The following CDIN1 variants were observed in gnomAD, a reference collection of about 807,000 sequenced individuals.
CDIN1 encodes the protein CDAN1 interacting nuclease 1.
CDIN1 carries 33 observed loss-of-function variants against 45.3 expected under a neutral mutation model. The ratio of observed to expected loss-of-function variants is 0.73; its 90% CI spans 0.55 to 0.97. The LOEUF (loss-of-function observed/expected upper bound fraction) is 0.97. Among genes scored for constraint, CDIN1 ranks in the 50% least tolerant of loss-of-function variants. The probability of loss-of-function intolerance (pLI) is 0.00; values close to 1 mark genes in which losing one functional copy is unlikely to be tolerated. For missense variants in CDIN1, 303 were observed against 339.4 expected, an observed-to-expected ratio of 0.89 and a Z score of 0.84; for synonymous variants, 118 against 124.4, an observed-to-expected ratio of 0.95 and a Z score of 0.34.
chr15:36,796,957 C>CA (rs1356986013), intron 10 of CDIN1, among the ~76,000 whole-genome samples: 1 of 152,154 alleles, frequency 6.6e-6, no homozygotes, highest in African/African-American at 2.4e-5. Flanking sequence ...GAAGAAAAGG[C>CA]AGAGTATAAA....
intron 10 of CDIN1, among the ~76,000 whole-genome samples, chr15:36,766,698 A>G (rs2053934353): frequency 6.6e-6 from 1 of 152,014 alleles, no homozygotes; most frequent in Non-Finnish European, 1.5e-5. Context: ...TCTTATACCT[A>G]TTGGCCATTT....
intron 10 of CDIN1, among the ~76,000 whole-genome samples, chr15:36,731,828 C>T (rs920522115): frequency 2.0e-5 from 3 of 152,004 alleles, no homozygotes; most frequent in Non-Finnish European, 2.9e-5. Context: ...TATTTCTTTC[C>T]CAGGATTATT....
At chr15:36,803,502 T>C (rs1234200083) in intron 10 of CDIN1, among the ~76,000 whole-genome samples, 2 of 152,178 alleles carry the variant, frequency 1.3e-5, no homozygotes, top group Non-Finnish European at 2.9e-5. Context: ...TTTGTATGCA[T>C]TGGTTCAATT....
At chr15:36,696,043 G>A (rs2042412732) in intron 7 of CDIN1, among the ~76,000 whole-genome samples, 2 of 150,080 alleles carry the variant, frequency 1.3e-5, no homozygotes, top group South Asian at 4.2e-4. Context: ...GGATCTTGTT[G>A]TTATCTTATT....
intron 10 of CDIN1, among the ~76,000 whole-genome samples, chr15:36,750,444 C>G (rs1015379756): frequency 6.6e-6 from 1 of 152,118 alleles, no homozygotes; most frequent in Non-Finnish European, 1.5e-5. Flanking sequence ...AGTGACTTGT[C>G]CAATATTAAT....
At chr15:36,663,973 G>A (rs1046936421) in intron 5 of CDIN1, among the ~76,000 whole-genome samples, 1 of 152,118 alleles carries the variant, frequency 6.6e-6, no homozygotes, top group Non-Finnish European at 1.5e-5. Context: ...CAACTAATAA[G>A]CTATTGCATT....
intron 10 of CDIN1, among the ~76,000 whole-genome samples, chr15:36,722,978 TGTGTGTG>T (rs2043484795): frequency 5.2e-5 from 7 of 134,430 alleles, no homozygotes; most frequent in African/African-American, 8.9e-5. Context: ...TGTGTGTGTG[TGTGTGTG>T]TTTCTCTCTC....
intron 1 of CDIN1, among the ~76,000 whole-genome samples, chr15:36,620,123 G>A (rs2039103121): frequency 6.6e-6 from 1 of 152,052 alleles, no homozygotes; most frequent in Non-Finnish European, 1.5e-5. Context: ...AGGCCGAGGT[G>A]GGCGGATCAC....
intron 10 of CDIN1, among the ~76,000 whole-genome samples, chr15:36,783,577 G>T (rs929384654): frequency 6.6e-6 from 1 of 152,082 alleles, no homozygotes; most frequent in African/African-American, 2.4e-5. Context: ...GTTTCATGAT[G>T]AAACCAGAGC....
At chr15:36,720,399 G>A (rs1427816999) in intron 10 of CDIN1, among the ~76,000 whole-genome samples, 2 of 151,570 alleles carry the variant, frequency 1.3e-5, no homozygotes, top group Non-Finnish European at 2.9e-5. Context: ...TTTATATTAG[G>A]TATTTCTCCT....
At chr15:36,632,234 A>G (rs993688694) in intron 1 of CDIN1, among the ~76,000 whole-genome samples, 1 of 152,148 alleles carries the variant, frequency 6.6e-6, no homozygotes, top group Non-Finnish European at 1.5e-5. Context: ...CAATTTCTCT[A>G]CATCTTTGTA....
intron 10 of CDIN1, among the ~76,000 whole-genome samples, chr15:36,734,836 A>G (rs747237766): frequency 2.6e-5 from 4 of 152,158 alleles, no homozygotes; most frequent in Non-Finnish European, 5.9e-5. Flanking sequence ...TCACTGTTCA[A>G]TGTAAATAAA....
chr15:36,749,073 C>T (rs2053386462), intron 10 of CDIN1, among the ~76,000 whole-genome samples: 1 of 152,130 alleles, frequency 6.6e-6, no homozygotes, highest in African/African-American at 2.4e-5. Context: ...GTCATAAACA[C>T]TCACTCGTAT....
At chr15:36,644,829 A>G (rs1477908890) in intron 2 of CDIN1, among the ~76,000 whole-genome samples, 1 of 152,208 alleles carries the variant, frequency 6.6e-6, no homozygotes, top group Non-Finnish European at 1.5e-5. Flanking sequence ...AAAAATGGCA[A>G]TTGGATTGTA....
rs140172987 is a variant in CDIN1 at position 36,594,427 on chromosome 15, T to C, written c.101+14466T>C. 4.1e-3 allele frequency among the ~76,000 whole-genome samples: 630 copies of C among 152,316 alleles called. 3 individuals carry two copies. The highest frequency in any genetic ancestry group is 0.015 in the African/African-American group (608 of 41,558). The stretch of plus-strand genomic sequence containing the variant: ...AAGCATGGAAACAAGACTTGGTTAG[T>C]TGTATTTCCTCTGTTAGAGGTGTGT... On this transcript the variant is annotated intron_variant, in intron 1 of 10. Coordinates refer to ENST00000566621, the MANE Select transcript of CDIN1 (RefSeq NM_001321759.2).
At chr15:36,597,983 G>A (rs150909187) in intron 1 of CDIN1, among the ~76,000 whole-genome samples, 2 of 152,220 alleles carry the variant, frequency 1.3e-5, no homozygotes, top group Non-Finnish European at 2.9e-5. Context: ...ATAAATGGAC[G>A]TAAAACTTAT....
chr15:36,747,164 A>G, intron 10 of CDIN1: 1 of 393,310 alleles, frequency 2.5e-6, no homozygotes, highest in Non-Finnish European at 4.5e-6. Flanking sequence ...GTGTTTCCTC[A>G]TCTTAAACAA....
chr15:36,685,683 A>G (rs1469388086), intron 5 of CDIN1, among the ~76,000 whole-genome samples: 1 of 152,184 alleles, frequency 6.6e-6, no homozygotes, highest in Non-Finnish European at 1.5e-5. Context: ...TAATATCCAG[A>G]ATCTACAGTG....
At chr15:36,682,645 T>A (rs1308802985) in intron 5 of CDIN1, among the ~76,000 whole-genome samples, 1 of 149,106 alleles carries the variant, frequency 6.7e-6, no homozygotes, top group Admixed American at 6.7e-5. Flanking sequence ...TGGCATGCAC[T>A]TGTAGTCCCA....
Sources: allele counts gnomAD v4.1 joint callset (sites outside exome capture counted in the v4.1 genomes callset), GRCh38; gene constraint gnomAD v4.1.1; transcripts MANE v1.5; gene names NCBI Gene and HGNC (gene_info 2026-07-23, HGNC 2026-07-21).